The following PARD3B variants were observed in gnomAD, a reference collection of about 807,000 sequenced individuals.
The protein encoded by PARD3B is par-3 family cell polarity regulator beta, also known as partitioning defective 3 homolog B.
PARD3B carries 103 observed loss-of-function variants against 130.2 expected under a neutral mutation model. The ratio of observed to expected loss-of-function variants is 0.79; its 90% CI spans 0.67 to 0.93. The LOEUF is 0.93. Ranked by LOEUF, PARD3B falls within the 40% of genes least tolerant of loss-of-function variation. The pLI is 0.00. For synonymous variants in PARD3B, 583 were observed against 553.2 expected, an observed-to-expected ratio of 1.05 and a Z score of -0.76; for missense variants, 1,609 against 1,499.2, an observed-to-expected ratio of 1.07 and a Z score of -1.21.
chr2:205,077,486 G>C (rs1255802810), intron 4 of PARD3B, among the ~76,000 whole-genome samples: 1 of 152,118 alleles, frequency 6.6e-6, no homozygotes, highest in Non-Finnish European at 1.5e-5. Context: ...TTGCCTGGCA[G>C]TTTCTCTTGA....
Position 205,592,672 on chromosome 2 carries a change from A to G in PARD3B, c.3261-22784A>G, listed in dbSNP as rs1390523277. ...CTTATATATCTTACCATATAAATCT[A>G]AATCAATCATAACGTATATTTCTGA... On this transcript the variant is annotated intron_variant, in intron 22 of 22. Coordinates refer to ENST00000406610, the MANE Select transcript of PARD3B (RefSeq NM_001302769.2). This position sits in a 1 kb window ranked among gnomAD's most constrained non-coding sequence, Gnocchi z 4.5. 6.6e-6 allele frequency among the ~76,000 whole-genome samples: 1 copy of G among 152,260 alleles called. No individual in the cohort carries two copies. The highest frequency in any genetic ancestry group is 2.1e-4 in the South Asian group (1 of 4,832).
chr2:205,473,654 ATGTG>A lies in PARD3B; in HGVS notation c.3045-26218_3045-26215del, dbSNP rs751534704. Reference sequence around the variant, plus strand: ...TGTTTCCCAATATAAGGTTATATATATGTGTGTGTGTGTGTGTGTGTGTGTGTAT... The same window carrying A: ...TGTTTCCCAATATAAGGTTATATATATGTGTGTGTGTGTGTGTGTGTGTAT... On this transcript the variant is annotated intron_variant, in intron 20 of 22. Transcript: ENST00000406610. This position sits in a 1 kb window ranked among gnomAD's most constrained non-coding sequence, Gnocchi z 4.9. Among the ~76,000 whole-genome samples, 2,368 of 123,650 alleles carry A rather than the reference ATGTG, an allele frequency of 0.019. 17 individuals carry two copies. The highest frequency in any genetic ancestry group is 0.026 in the Non-Finnish European group (1,578 of 61,712). The allele number at this position is 123,650 out of a possible 152,430, so 81.1% of individuals were successfully genotyped here.
intron 22 of PARD3B, among the ~76,000 whole-genome samples, chr2:205,588,651 A>T (rs1021346901): frequency 6.6e-6 from 1 of 152,236 alleles, no homozygotes; most frequent in African/African-American, 2.4e-5. Flanking sequence ...GTGGTGGTAC[A>T]GATGTGTACA....
rs2044611041 is a variant in PARD3B at position 205,366,388 on chromosome 2, T to C, written c.2631-34625T>C. Among the ~76,000 whole-genome samples, 1 of 152,188 alleles carries C rather than the reference T, an allele frequency of 6.6e-6. No homozygotes were observed. Reference sequence around the variant, plus strand: ...TGGACAGAGGTAAAGAATTTCCTACTTATATTCGATGACAACCTAATGTTT... The same window carrying C: ...TGGACAGAGGTAAAGAATTTCCTACCTATATTCGATGACAACCTAATGTTT... On this transcript the variant is annotated intron_variant, in intron 18 of 22. Transcript: ENST00000406610. This position sits in a 1 kb window ranked among gnomAD's most constrained non-coding sequence, Gnocchi z 5.0.
At chr2:205,477,950 G>A (rs573765377) in intron 20 of PARD3B, among the ~76,000 whole-genome samples, 24 of 152,268 alleles carry the variant, frequency 1.6e-4, no homozygotes, top group African/African-American at 5.8e-4. Context: ...ATGGGTGATT[G>A]GTCTTTAGTA....
At chr2:204,661,880 C>G (rs200214353) in intron 1 of PARD3B, among the ~76,000 whole-genome samples, 12,959 of 152,072 alleles carry the variant, frequency 0.085, 1,113 homozygotes, top group African/African-American at 0.22. Context: ...ATCTGTTGTG[C>G]CTATTTTGGT....
In PARD3B at chr2:205,244,574, T is replaced by A. The variant is rs116160825; in HGVS notation, c.2141-1204T>A. 6.1e-3 allele frequency among the ~76,000 whole-genome samples: 923 copies of A among 152,316 alleles called. 10 individuals are homozygous for A. The highest frequency in any genetic ancestry group is 0.021 in the African/African-American group (881 of 41,548). On this transcript the variant is annotated intron_variant, in intron 15 of 22. Coordinates refer to ENST00000406610, the MANE Select transcript of PARD3B (RefSeq NM_001302769.2). The surrounding 1 kb of genome is among the most constrained non-coding windows in gnomAD (Gnocchi z 4.7). ...CTCTCTCTTTCTAATACATTTTCTG[T>A]AGAATTGGTCTTATTTATTTCTTAA... is the stretch of plus-strand genomic sequence containing the variant.
chr2:205,285,078 G>T (rs2041343234), intron 16 of PARD3B, among the ~76,000 whole-genome samples: 1 of 145,948 alleles, frequency 6.9e-6, no homozygotes, highest in Admixed American at 6.9e-5. Context: ...GAAAAGCCTT[G>T]TGTTTTTATA....
intron 2 of PARD3B, among the ~76,000 whole-genome samples, chr2:204,695,956 G>C (rs1033811313): frequency 2.0e-5 from 3 of 152,030 alleles, no homozygotes; most frequent in Non-Finnish European, 2.9e-5. Context: ...AGGGATATCA[G>C]AACTTCCAGG....
At position 205,449,292 on chromosome 2, in the gene PARD3B, C is replaced by T. The variant is rs181879641; in HGVS notation, c.3044+8620C>T. 8.6e-5 allele frequency among the ~76,000 whole-genome samples: 13 copies of T among 151,196 alleles called. No homozygotes were observed. The South Asian group carries it at 1.0e-3, about 12-fold the overall frequency. The stretch of plus-strand genomic sequence containing the variant: ...TTGCCCAGGCTAGAATGCAGTGGCG[C>T]GATCTCAGCTCACTGCTACCTCCAC... On this transcript the variant is annotated intron_variant, in intron 20 of 22. Transcript: ENST00000406610.
intron 2 of PARD3B, among the ~76,000 whole-genome samples, chr2:204,866,199 T>G (rs987407520): frequency 3.3e-5 from 5 of 152,230 alleles, no homozygotes; most frequent in Non-Finnish European, 7.3e-5. Context: ...AATCTCAAGA[T>G]GTGGCATGGT....
rs1209083567 is a variant in PARD3B, at chr2:205,265,268, A to G, written c.2185+19446A>G. On this transcript the variant is annotated intron_variant, in intron 16 of 22. Coordinates refer to ENST00000406610, the MANE Select transcript of PARD3B (RefSeq NM_001302769.2). This position sits in a 1 kb window ranked among gnomAD's most constrained non-coding sequence, Gnocchi z 4.3. ...CCAAGAATAAGCACAAAATGTCTAT[A>G]CACACGAGCCTTCAGGGAAGATTGG... 6.6e-6 allele frequency among the ~76,000 whole-genome samples: 1 copy of G among 152,098 alleles called. No individual in the cohort carries two copies. The highest frequency in any genetic ancestry group is 1.5e-5 in the Non-Finnish European group (1 of 67,948).
At chr2:205,452,618 T>C (rs1284393562) in intron 20 of PARD3B, among the ~76,000 whole-genome samples, 1 of 152,224 alleles carries the variant, frequency 6.6e-6, no homozygotes, top group Non-Finnish European at 1.5e-5. Context: ...AGATAAATGC[T>C]AATAGTAACT....
intron 21 of PARD3B, among the ~76,000 whole-genome samples, chr2:205,507,466 G>T (rs891739881): frequency 1.3e-5 from 2 of 151,650 alleles, no homozygotes; most frequent in African/African-American, 4.8e-5. Context: ...TGCCTGCCTC[G>T]GCCTCCCAAA....
intron 5 of PARD3B, among the ~76,000 whole-genome samples, chr2:205,111,073 G>A (rs1198981098): frequency 6.6e-6 from 1 of 151,928 alleles, no homozygotes; most frequent in Non-Finnish European, 1.5e-5. Context: ...TTTTTCAAAT[G>A]TTCTCCTTTC....
At chr2:205,523,025 G>C (rs567629795) in intron 21 of PARD3B, among the ~76,000 whole-genome samples, 149 of 151,118 alleles carry the variant, frequency 9.9e-4, no homozygotes, top group African/African-American at 3.5e-3. Context: ...TTTTTTCTTA[G>C]GTCTATCACT....
At chr2:204,742,184 T>C (rs1053917004) in intron 2 of PARD3B, among the ~76,000 whole-genome samples, 4 of 152,212 alleles carry the variant, frequency 2.6e-5, no homozygotes, top group African/African-American at 4.8e-5. Flanking sequence ...TAAGTATTTC[T>C]TATTATTTAT....
At chr2:205,399,592 T>G (rs1318530159) in intron 18 of PARD3B, among the ~76,000 whole-genome samples, 1 of 152,154 alleles carries the variant, frequency 6.6e-6, no homozygotes, top group African/African-American at 2.4e-5. Context: ...TGACCTCAGG[T>G]GATCCACCTG....
intron 10 of PARD3B, among the ~76,000 whole-genome samples, chr2:205,157,914 T>C (rs1031928363): frequency 7.2e-5 from 11 of 152,190 alleles, no homozygotes; most frequent in African/African-American, 2.4e-4. Flanking sequence ...ATTAACCACA[T>C]ACTTCTCCCT....
Sources: gnomAD v4.1 joint callset for allele counts (sites outside exome capture counted in the v4.1 genomes callset) on GRCh38, gnomAD v4.1.1 for gene constraint, Gnocchi (gnomAD v3.1) non-coding constraint, MANE v1.5 for transcripts, NCBI Gene and HGNC (gene_info 2026-07-23, HGNC 2026-07-21) for gene names.